GRID1: variants seen among roughly 807,000 people sequenced by gnomAD.
GRID1 encodes glutamate receptor ionotropic, delta-1.
In GRID1, 28 loss-of-function variants were observed where a neutral mutation model predicts 98.0. The observed-to-expected ratio is 0.29, with a 90% CI of 0.21 to 0.39. The LOEUF (loss-of-function observed/expected upper bound fraction) is 0.39, where lower values mean the gene tolerates loss of function less well. GRID1 is among the 10% of genes least tolerant of loss of function. The pLI, the probability that GRID1 is intolerant of heterozygous loss-of-function variation, is 1.00. For missense variants in GRID1, 1,111 were observed against 1,340.5 expected (o/e 0.83, Z 2.67); for synonymous variants, 553 against 538.5 (o/e 1.03, Z -0.37).
intron 14 of GRID1, among the ~76,000 whole-genome samples, chr10:85,614,123 G>T (rs1356432188): frequency 4.6e-5 from 7 of 152,320 alleles, no homozygotes; most frequent in South Asian, 2.1e-4. Flanking sequence ...CATTTGATTT[G>T]AGGATCTTCT....
At chr10:86,108,498 C>T (rs533389540) in intron 4 of GRID1, among the ~76,000 whole-genome samples, 4 of 152,294 alleles carry the variant, frequency 2.6e-5, no homozygotes, top group African/African-American at 9.6e-5. Flanking sequence ...GGTGTTCACA[C>T]ATGCATGCAC....
chr10:85,914,499 C>A (rs938221869), intron 5 of GRID1, among the ~76,000 whole-genome samples: 2 of 152,054 alleles, frequency 1.3e-5, no homozygotes, highest in Non-Finnish European at 2.9e-5. Context: ...AAACAGGAGG[C>A]GGCAGTCATG....
At chr10:85,876,687 G>A (rs1363965691) in intron 5 of GRID1, among the ~76,000 whole-genome samples, 1 of 152,218 alleles carries the variant, frequency 6.6e-6, no homozygotes, top group Non-Finnish European at 1.5e-5. Flanking sequence ...TGACACAGAA[G>A]ACAGGTGATT....
At chr10:85,774,350 T>C (rs983869984) in intron 8 of GRID1, among the ~76,000 whole-genome samples, 2 of 152,148 alleles carry the variant, frequency 1.3e-5, no homozygotes, top group African/African-American at 2.4e-5. Context: ...ACTTAAATGT[T>C]AGACCTAAAA....
intron 4 of GRID1, among the ~76,000 whole-genome samples, chr10:86,088,403 T>C (rs7078950): frequency 0.11 from 17,116 of 152,230 alleles, 1,334 homozygotes; most frequent in African/African-American, 0.22. Flanking sequence ...CAGATATACT[T>C]GTTTAGCATG....
At chr10:85,710,988 C>T (rs1841575847) in intron 12 of GRID1, among the ~76,000 whole-genome samples, 2 of 151,880 alleles carry the variant, frequency 1.3e-5, no homozygotes, top group Admixed American at 1.3e-4. Flanking sequence ...GTGTCGGCAA[C>T]AATTTGGAGA....
chr10:85,786,184 G>A (rs945624270), intron 8 of GRID1, among the ~76,000 whole-genome samples: 24 of 152,160 alleles, frequency 1.6e-4, no homozygotes, highest in Non-Finnish European at 2.8e-4. Context: ...ATTCATGAAG[G>A]GAAAGCTGCC....
In GRID1 at chr10:85,854,276, G is replaced by C. The variant is rs73338520; in HGVS notation, c.1233+220C>G. Among the ~76,000 whole-genome samples, 829 of 152,300 alleles carry C rather than the reference G, an allele frequency of 5.4e-3. 6 individuals are homozygous for C. Among genetic ancestry groups the C allele is most frequent in the African/African-American group, 0.019 (782 of 41,564 alleles). ...ACCAGGTACCCCTGCTCTACTCAAA[G>C]AGACTCCATTAGAGGCAATTTCTGT... is the stretch of plus-strand genomic sequence containing the variant. On this transcript the variant is annotated intron_variant, in intron 8 of 15. Coordinates refer to ENST00000327946, the MANE Select transcript of GRID1 (RefSeq NM_017551.3).
chr10:85,669,487 C>T (rs892484919), intron 12 of GRID1, among the ~76,000 whole-genome samples: 1 of 152,290 alleles, frequency 6.6e-6, no homozygotes, highest in Non-Finnish European at 1.5e-5. Context: ...AAGCAAAATA[C>T]GTCTACAGAG....
chr10:85,948,086 T>C (rs746334077), intron 4 of GRID1, among the ~76,000 whole-genome samples: 9 of 152,156 alleles, frequency 5.9e-5, no homozygotes, highest in Non-Finnish European at 1.2e-4. Context: ...GTAGAAAAAC[T>C]AGTGAAATTC....
intron 12 of GRID1, among the ~76,000 whole-genome samples, chr10:85,711,410 G>T (rs919501041): frequency 6.6e-6 from 1 of 151,880 alleles, no homozygotes; most frequent in African/African-American, 2.4e-5. Context: ...CTATTAATAT[G>T]AGGTACCTAG....
chr10:86,313,709 G>A (rs1847861698), intron 2 of GRID1, among the ~76,000 whole-genome samples: 2 of 152,184 alleles, frequency 1.3e-5, no homozygotes, highest in Admixed American at 6.5e-5. Context: ...GAAATTCGTG[G>A]GAGAGGAACA....
intron 4 of GRID1, among the ~76,000 whole-genome samples, chr10:85,971,313 A>G (rs1321844106): frequency 6.6e-6 from 1 of 152,090 alleles, no homozygotes; most frequent in East Asian, 1.9e-4. Flanking sequence ...AAAAGGCAGT[A>G]ACCATTTAAA....
chr10:85,983,191 C>G (rs543191055), intron 4 of GRID1, among the ~76,000 whole-genome samples: 2 of 152,168 alleles, frequency 1.3e-5, no homozygotes, highest in African/African-American at 2.4e-5. Flanking sequence ...TGAGGATGAC[C>G]GGACAGCCTC....
intron 2 of GRID1, among the ~76,000 whole-genome samples, chr10:86,359,446 C>T (rs987765504): frequency 1.3e-5 from 2 of 152,128 alleles, no homozygotes; most frequent in Non-Finnish European, 2.9e-5. Flanking sequence ...CTGAGCAAGG[C>T]CTCCAGATGG....
At chr10:86,128,754 G>A (rs1404394986) in intron 4 of GRID1, among the ~76,000 whole-genome samples, 1 of 152,110 alleles carries the variant, frequency 6.6e-6, no homozygotes, top group Non-Finnish European at 1.5e-5. Flanking sequence ...GGTCACAGAA[G>A]ATTTTTTCAC....
intron 4 of GRID1, among the ~76,000 whole-genome samples, chr10:86,103,711 G>GA (rs1324504989): frequency 4.6e-5 from 7 of 152,318 alleles, no homozygotes; most frequent in African/African-American, 1.7e-4. Flanking sequence ...ACAGTGGGGG[G>GA]CCCTTAGGAA....
chr10:86,279,140 C>G (rs1390274210), intron 2 of GRID1, among the ~76,000 whole-genome samples: 1 of 152,024 alleles, frequency 6.6e-6, no homozygotes, highest in Non-Finnish European at 1.5e-5. Flanking sequence ...AAAAGGAACC[C>G]TAGAGAGCTC....
At chr10:85,769,318 T>C (rs2132708127) in intron 8 of GRID1, among the ~76,000 whole-genome samples, 2 of 152,190 alleles carry the variant, frequency 1.3e-5, no homozygotes, top group Middle Eastern at 3.4e-3. Context: ...GGGGTACACA[T>C]GAATATAAAG....
Sources: allele counts gnomAD v4.1 joint callset (sites outside exome capture counted in the v4.1 genomes callset), GRCh38; gene constraint gnomAD v4.1.1; transcripts MANE v1.5; gene names NCBI Gene and HGNC (gene_info 2026-07-23, HGNC 2026-07-21).